TAS1R1: variants seen among roughly 807,000 people sequenced by gnomAD.
The protein encoded by TAS1R1 is taste receptor type 1 member 1.
A neutral mutation model predicts 45.8 loss-of-function variants in TAS1R1; 31 were observed. That is an observed-to-expected ratio of 0.68 (90% CI 0.51 to 0.91). TAS1R1 has a LOEUF of 0.91. Among genes scored for constraint, TAS1R1 ranks in the 40% least tolerant of loss-of-function variants. The probability of loss-of-function intolerance (pLI) is 0.00; values close to 1 mark genes in which losing one functional copy is unlikely to be tolerated. For missense variants in TAS1R1, 1,051 were observed against 1,063.9 expected, an observed-to-expected ratio of 0.99 and a Z score of 0.17; for synonymous variants, 437 against 448.4, an observed-to-expected ratio of 0.97 and a Z score of 0.32.
rs146283682 is a variant in TAS1R1, at chr1:6,575,007, T to C, written c.875T>C (p.Leu292Pro). 7 of 1,590,774 alleles carry C rather than the reference T, an allele frequency of 4.4e-6. No homozygotes were observed. In the African/African-American group the frequency reaches 9.4e-5, roughly 21 times the overall value. The change falls in exon 3 of 6, where the codon CTG (leucine) becomes CCG (proline). Residue 292 changes from leucine (L) to proline (P), a missense_variant. Coordinates refer to ENST00000333172, the MANE Select transcript of TAS1R1 (RefSeq NM_138697.4). Reference protein sequence around the residue: ...VFFESVVLTNLTGKVWVASEA... With the variant: ...VFFESVVLTNPTGKVWVASEA... ...TTCGAGTCCGTGGTGCTGACCAACC[T>C]GACTGGCAAGGTGTGGGTCGCCTCA...
At chr1:6,558,924 C>G (rs1639733286) in intron 1 of TAS1R1, among the ~76,000 whole-genome samples, 1 of 148,952 alleles carries the variant, frequency 6.7e-6, no homozygotes, top group Non-Finnish European at 1.5e-5. Context: ...TGGAGTCTCG[C>G]TCTGTCGCCC....
chr1:6,570,344 C>T (rs911604676), intron 1 of TAS1R1, among the ~76,000 whole-genome samples: 3 of 151,604 alleles, frequency 2.0e-5, no homozygotes, highest in African/African-American at 4.8e-5. Flanking sequence ...TGGCAGAGGG[C>T]CTGCAGGTGG....
At chr1:6,568,542 C>A (rs562253848) in intron 1 of TAS1R1, among the ~76,000 whole-genome samples, 57 of 150,364 alleles carry the variant, frequency 3.8e-4, no homozygotes, top group African/African-American at 1.2e-3. Context: ...CTCTGTAAGG[C>A]GGGAAAGGAA....
chr1:6,562,318 G>A (rs1639804123), intron 1 of TAS1R1, among the ~76,000 whole-genome samples: 5 of 152,024 alleles, frequency 3.3e-5, no homozygotes, highest in Admixed American at 2.0e-4. Flanking sequence ...ACAGGCGACC[G>A]CCACCACGCC....
At chr1:6,571,324 T>G in intron 2 of TAS1R1, 109 bp downstream of exon 2, 29 of 1,229,082 alleles carry the variant, frequency 2.4e-5, no homozygotes, top group Middle Eastern at 2.9e-4. Flanking sequence ...CCTGGATCTC[T>G]TGGGTGGTCA....
intron 2 of TAS1R1, among the ~76,000 whole-genome samples, chr1:6,573,548 CT>C (rs1359627890): frequency 6.6e-6 from 1 of 152,184 alleles, no homozygotes; most frequent in Non-Finnish European, 1.5e-5. Context: ...GGCCCCCAAC[CT>C]TTTCGGCATC....
At chr1:6,557,738 C>CA (rs1160468211) in intron 1 of TAS1R1, among the ~76,000 whole-genome samples, 1 of 152,134 alleles carries the variant, frequency 6.6e-6, no homozygotes, top group Non-Finnish European at 1.5e-5. Flanking sequence ...CCAGCCATTA[C>CA]AAAAAAGTTT....
At chr1:6,569,806 A>C (rs1232605250) in intron 1 of TAS1R1, among the ~76,000 whole-genome samples, 2 of 152,272 alleles carry the variant, frequency 1.3e-5, no homozygotes, top group East Asian at 1.9e-4. Flanking sequence ...TCGGGAATTC[A>C]GAGACGGTCA....
intron 5 of TAS1R1, among the ~76,000 whole-genome samples, chr1:6,578,105 A>G (rs142375697): frequency 0.011 from 1,601 of 152,342 alleles, 23 homozygotes; most frequent in Middle Eastern, 0.051. Context: ...TTCCCCATCC[A>G]GAAATGCAAG....
In TAS1R1 at chr1:6,579,601, C is replaced by T. The variant is rs753778700; in HGVS notation, c.*17C>T. ...TCCACCTGACCAGTGGGTCAGCAGG[C>T]ACGGCTGGCAGCCTTCTCTGCCCTG... On this transcript the variant is annotated 3_prime_UTR_variant, in exon 6 of 6. Transcript: ENST00000333172. 13 of 1,585,782 alleles carry T rather than the reference C, an allele frequency of 8.2e-6. No homozygotes were observed. The Admixed American group carries it at 1.7e-4, about 21-fold the overall frequency.
chr1:6,559,452 G>T (rs868295341), intron 1 of TAS1R1, among the ~76,000 whole-genome samples: 62 of 151,998 alleles, frequency 4.1e-4, no homozygotes, highest in African/African-American at 1.4e-3. Context: ...GAGCTCAGCA[G>T]TTCAAGACCA....
chr1:6,568,116 A>T (rs1469663834), intron 1 of TAS1R1, among the ~76,000 whole-genome samples: 1 of 152,016 alleles, frequency 6.6e-6, no homozygotes. Flanking sequence ...AGTTTACACC[A>T]GGTGTTGGGG....
At chr1:6,561,385 C>T (rs1024709664) in intron 1 of TAS1R1, among the ~76,000 whole-genome samples, 2 of 152,152 alleles carry the variant, frequency 1.3e-5, no homozygotes, top group African/African-American at 2.4e-5. Flanking sequence ...GAGATCTAAA[C>T]CTCAACAGTT....
In TAS1R1 at chr1:6,579,084, A is replaced by C. The variant is rs1186403083; in HGVS notation, c.2026A>C (p.Asn676His). The C allele has an allele frequency of 6.2e-7, 1 of 1,613,398 alleles. No homozygotes were observed. The highest frequency in any genetic ancestry group is 1.3e-5 in the African/African-American group (1 of 74,794). Residue 676 changes from asparagine to histidine, a missense_variant, in exon 6 of 6, where the codon AAC becomes CAC. Physicochemically the swap from Asn to His is moderately conservative, Grantham distance 68. Coordinates refer to ENST00000333172, the MANE Select transcript of TAS1R1 (RefSeq NM_138697.4). ...TACATTCTACCACGCCTGGGTCCAA[A>C]ACCACGGTGCTGGCCTGTTTGTGAT... ...VPTFYHAWVQ[N>H]HGAGLFVMIS...
chr1:6,579,455 C>T lies in TAS1R1; in HGVS notation c.2397C>T (p.Ser799=). Reference sequence around the variant, plus strand: ...CCAACATGATGGCTGGGCTGAGCAGCCTGAGCAGCGGCTTCGGTGGGTATT... The same window carrying T: ...CCAACATGATGGCTGGGCTGAGCAGTCTGAGCAGCGGCTTCGGTGGGTATT... ...PAANMMAGLS[S]LSSGFGGYFL... is the part of the protein sequence containing the mutation. Residue 799 remains serine, a synonymous_variant, in exon 6 of 6, where the codon AGC becomes AGT. Coordinates refer to ENST00000333172, the MANE Select transcript of TAS1R1 (RefSeq NM_138697.4). 2.5e-6 allele frequency: 4 copies of T among 1,614,090 alleles called. No individual in the cohort carries two copies. The highest frequency in any genetic ancestry group is 3.4e-6 in the Non-Finnish European group (4 of 1,180,044).
intron 1 of TAS1R1, among the ~76,000 whole-genome samples, chr1:6,558,895 T>C (rs1639732095): frequency 7.1e-6 from 1 of 140,330 alleles, no homozygotes; most frequent in African/African-American, 2.6e-5. Flanking sequence ...ATTTTTGTAC[T>C]TTTTTTTTTT....
intron 1 of TAS1R1, among the ~76,000 whole-genome samples, chr1:6,560,400 C>T (rs1639761713): frequency 1.3e-5 from 2 of 152,334 alleles, no homozygotes; most frequent in South Asian, 4.1e-4. Context: ...ACAGCCCAGG[C>T]TTACAGACTA....
Position 6,575,156 on chromosome 1 carries a change from G to A in TAS1R1, c.1024G>A (p.Ala342Thr), listed in dbSNP as rs1026940568. The change falls in exon 3 of 6, where the codon GCC becomes ACC. Residue 342 changes from alanine (A) to threonine (T), a missense_variant. Coordinates refer to ENST00000333172, the MANE Select transcript of TAS1R1 (RefSeq NM_138697.4). The stretch of plus-strand genomic sequence containing the variant: ...CCTGAAGGCGTTTGAAGAAGCCTAT[G>A]CCCGGGCAGACAAGAAGGCCCCTAG... ...PGLKAFEEAY[A>T]RADKKAPRPC... 23 of 1,593,860 alleles carry A rather than the reference G, an allele frequency of 1.4e-5. No homozygotes were observed. The highest frequency in any genetic ancestry group is 1.9e-5 in the Non-Finnish European group (22 of 1,171,366).
chr1:6,573,426 C>T (rs1210915307), intron 2 of TAS1R1, among the ~76,000 whole-genome samples: 1 of 152,020 alleles, frequency 6.6e-6, no homozygotes, highest in African/African-American at 2.4e-5. Flanking sequence ...CACCGCACTC[C>T]ATCCTGGGCG....
Sources: gnomAD v4.1 joint callset for allele counts (sites outside exome capture counted in the v4.1 genomes callset) on GRCh38, gnomAD v4.1.1 for gene constraint, MANE v1.5 for transcripts, NCBI Gene and HGNC (gene_info 2026-07-23, HGNC 2026-07-21) for gene names.